ADCY5: variants seen among roughly 807,000 people sequenced by gnomAD.
ADCY5 encodes adenylate cyclase 5, also known as adenylate cyclase type 5.
In ADCY5, 30 loss-of-function variants were observed where a neutral mutation model predicts 119.7. The ratio of observed to expected loss-of-function variants is 0.25; its 90% CI spans 0.19 to 0.34. ADCY5 has a LOEUF of 0.34. ADCY5 is among the 10% of genes least tolerant of loss of function. The pLI is 1.00. For synonymous variants in ADCY5, 753 were observed against 762.2 expected (o/e 0.99, Z 0.20); for missense variants, 1,324 against 1,775.2 (o/e 0.75, Z 4.57).
At chr3:123,418,834 G>A (rs1241544276) in intron 1 of ADCY5, 1 of 152,218 alleles carries the variant, frequency 6.6e-6, no homozygotes, top group African/African-American at 2.4e-5. Context: ...GAGCAAAAAG[G>A]TAGAGGAGGG....
chr3:123,330,765 T>A (rs1250167821), intron 5 of ADCY5, 124 bp downstream of exon 5: 1 of 1,335,566 alleles, frequency 7.5e-7, no homozygotes, highest in Non-Finnish European at 1.0e-6. Flanking sequence ...GCTGGGCACC[T>A]TTTGGCAGAC....
chr3:123,447,627 C>T lies in ADCY5; in HGVS notation c.919G>A (p.Ala307Thr). The change falls in exon 1 of 21, where the codon GCC (alanine) becomes ACC (threonine). Residue 307 changes from alanine to threonine, a missense_variant. Physicochemically the swap from Ala to Thr is moderately conservative, Grantham distance 58 (BLOSUM62 0). Around this residue, in one of 6 missense-constraint regions of ADCY5, gnomAD observed 585 missense variants for 569.9 expected, o/e 1.03. Transcript: ENST00000462833. Reference sequence around the variant, plus strand: ...ACCACCTGGACGGCCAGCACCACGGCGATGAGCGCATAGCAGGCCAGGCCC... The same window carrying T: ...ACCACCTGGACGGCCAGCACCACGGTGATGAGCGCATAGCAGGCCAGGCCC... ...HMGLACYALI[A>T]VVLAVQVVGL... 6.2e-7 allele frequency: 1 copy of T among 1,607,842 alleles called. No homozygotes were observed. The highest frequency in any genetic ancestry group is 8.5e-7 in the Non-Finnish European group (1 of 1,178,316).
Position 123,303,196 on chromosome 3 carries a change from C to G in ADCY5, c.2583G>C (p.Leu861=). 6.2e-7 allele frequency: 1 copy of G among 1,613,676 alleles called. No individual in the cohort carries two copies. Among genetic ancestry groups the G allele is most frequent in the South Asian group, 1.1e-5 (1 of 91,074 alleles). Residue 861 remains leucine, a synonymous_variant, in exon 14 of 21, where the codon CTG becomes CTC. Coordinates refer to ENST00000462833, the MANE Select transcript of ADCY5 (RefSeq NM_183357.3). The stretch of plus-strand genomic sequence containing the variant: ...TGTGCTCCTGTGCCAAGCAGCCCAG[C>G]AGGTCCCTGGAGTTGCACGTGAACT... ...VNMFTCNSRD[L]LGCLAQEHNI... is the part of the protein sequence containing the mutation.
intron 3 of ADCY5, among the ~76,000 whole-genome samples, chr3:123,336,764 G>A (rs1030214638): frequency 5.9e-5 from 9 of 152,186 alleles, no homozygotes; most frequent in African/African-American, 2.2e-4. Context: ...TGCACTGGAT[G>A]GCCAGGCCTG....
At chr3:123,423,292 A>G (rs1945336390) in intron 1 of ADCY5, among the ~76,000 whole-genome samples, 2 of 152,212 alleles carry the variant, frequency 1.3e-5, no homozygotes. Context: ...ACCCCTGGCT[A>G]TAAAACCCAT....
rs1576524071 is a variant in ADCY5 at position 123,290,099 on chromosome 3, T to C, written c.3328-145A>G. ...ACAGTGGGGCCTGTCTCCATCCTCA[T>C]CAGTGTGATGCCCGCAACGCTCCTG... On this transcript the variant is annotated intron_variant, in intron 18 of 20. Transcript: ENST00000462833. 7 of 803,306 alleles carry C rather than the reference T, an allele frequency of 8.7e-6. No individual in the cohort carries two copies. In the East Asian group the frequency reaches 1.9e-4, roughly 22 times the overall value. The allele number at this position is 803,306 out of a possible 1,614,324, so 49.8% of individuals were successfully genotyped here. A position where few individuals can be genotyped will look rare whatever the true frequency, so the allele number is the denominator to read the frequency against.
In ADCY5 at chr3:123,308,364, C is replaced by A. The variant is rs796443385; in HGVS notation, c.2443-4181G>T. ...ACTCTACACTCTTTAAAAAGACTTT[C>A]TCTTGACTTTAAAACCTCAGTAGGA... is the stretch of plus-strand genomic sequence containing the variant. On this transcript the variant is annotated intron_variant, in intron 12 of 20. Coordinates refer to ENST00000462833, the MANE Select transcript of ADCY5 (RefSeq NM_183357.3). 8.6e-5 allele frequency among the ~76,000 whole-genome samples: 13 copies of A among 152,014 alleles called. 1 individual carries two copies. The highest frequency in any genetic ancestry group is 3.1e-4 in the African/African-American group (13 of 41,510).
intron 1 of ADCY5, among the ~76,000 whole-genome samples, chr3:123,392,724 G>A (rs775011784): frequency 6.6e-6 from 1 of 151,824 alleles, no homozygotes; most frequent in Non-Finnish European, 1.5e-5. Flanking sequence ...CTCAGTCTCT[G>A]CCTCTCTGTC....
At chr3:123,400,721 C>T (rs1038627740) in intron 1 of ADCY5, among the ~76,000 whole-genome samples, 5 of 152,124 alleles carry the variant, frequency 3.3e-5, no homozygotes, top group East Asian at 1.9e-4. Context: ...CCAAGGCAGG[C>T]GGATCATGAG....
chr3:123,287,625 C>T (rs1031786289), intron 19 of ADCY5, among the ~76,000 whole-genome samples: 7 of 152,208 alleles, frequency 4.6e-5, no homozygotes, highest in Non-Finnish European at 8.8e-5. Context: ...GTGACCCTCA[C>T]TTGGTCAGCA....
chr3:123,427,209 T>C (rs537741982), intron 1 of ADCY5, among the ~76,000 whole-genome samples: 1 of 152,288 alleles, frequency 6.6e-6, no homozygotes, highest in Admixed American at 6.5e-5. Context: ...TACCCATCAC[T>C]GGCCTCTAGG....
At chr3:123,379,246 C>G (rs1022368549) in intron 1 of ADCY5, among the ~76,000 whole-genome samples, 1 of 152,098 alleles carries the variant, frequency 6.6e-6, no homozygotes, top group Non-Finnish European at 1.5e-5. Context: ...ACAGGCCACT[C>G]GGAGGGAGAC....
chr3:123,315,103 C>T (rs940144910), intron 11 of ADCY5, among the ~76,000 whole-genome samples: 1 of 152,170 alleles, frequency 6.6e-6, no homozygotes, highest in African/African-American at 2.4e-5. Context: ...CAAGGGCTGG[C>T]CCAGGGACAA....
chr3:123,357,967 C>G (rs760765422), intron 1 of ADCY5, among the ~76,000 whole-genome samples: 2 of 152,200 alleles, frequency 1.3e-5, no homozygotes, highest in African/African-American at 4.8e-5. Context: ...CCTTCTTACA[C>G]CCCCATAAAG....
At chr3:123,304,669 C>T (rs775532491) in intron 12 of ADCY5, among the ~76,000 whole-genome samples, 16 of 151,924 alleles carry the variant, frequency 1.1e-4, no homozygotes, top group Non-Finnish European at 2.1e-4. Flanking sequence ...GACTGACCAG[C>T]GAGGAGCAGG....
At chr3:123,416,966 C>T (rs1945197899) in intron 1 of ADCY5, among the ~76,000 whole-genome samples, 1 of 152,168 alleles carries the variant, frequency 6.6e-6, no homozygotes, top group Non-Finnish European at 1.5e-5. Context: ...CCATCTGCAA[C>T]CCAAAGGGAG....
chr3:123,394,263 A>G (rs1398397204), intron 1 of ADCY5, among the ~76,000 whole-genome samples: 2 of 152,218 alleles, frequency 1.3e-5, no homozygotes, highest in Admixed American at 1.3e-4. Context: ...AATAAAGGAT[A>G]TTGCCTCCAC....
At chr3:123,330,066 G>C (rs1382836614) in intron 5 of ADCY5, among the ~76,000 whole-genome samples, 2 of 152,140 alleles carry the variant, frequency 1.3e-5, no homozygotes, top group Non-Finnish European at 2.9e-5. Context: ...TGAGCACCAG[G>C]AGTCCTGGTC....
In ADCY5 at chr3:123,367,855, A is replaced by C. The variant is rs754238300; in HGVS notation, c.1135-15274T>G. 25 of 1,522,022 alleles carry C rather than the reference A, an allele frequency of 1.6e-5. No individual in the cohort carries two copies. In the South Asian group the frequency reaches 3.0e-4, roughly 18 times the overall value. 94.3% of individuals were successfully genotyped at this position (1,522,022 alleles called of 1,614,324 possible). ...TTAGGTCAGCAGAATCCAGAAGAAA[A>C]AAAAAAACACCAAAGAGAAAATGAA... On this transcript the variant is annotated intron_variant, in intron 1 of 20. Coordinates refer to ENST00000462833, the MANE Select transcript of ADCY5 (RefSeq NM_183357.3).
Sources: allele counts gnomAD v4.1 joint callset (sites outside exome capture counted in the v4.1 genomes callset), GRCh38; gene constraint gnomAD v4.1.1; regional missense constraint gnomAD v4.1.1; transcripts MANE v1.5; gene names NCBI Gene and HGNC (gene_info 2026-07-23, HGNC 2026-07-21).